Variants in DIS3L2 observed in about 807,000 individuals in gnomAD.
The protein encoded by DIS3L2 is DIS3 like 3'-5' exoribonuclease 2.
DIS3L2 carries 34 observed loss-of-function variants against 97.5 expected under a neutral mutation model. That is an observed-to-expected ratio of 0.35 (90% CI 0.27 to 0.46). The LOEUF (loss-of-function observed/expected upper bound fraction) is 0.46. DIS3L2 is among the 20% of genes least tolerant of loss of function. The pLI is 1.00. For synonymous variants in DIS3L2, 435 were observed against 445.2 expected, an observed-to-expected ratio of 0.98 and a Z score of 0.29; for missense variants, 1,038 against 1,146.0, an observed-to-expected ratio of 0.91 and a Z score of 1.36.
chr2:232,204,648 G>A (rs1011371879), intron 9 of DIS3L2, among the ~76,000 whole-genome samples: 5 of 152,112 alleles, frequency 3.3e-5, no homozygotes, highest in African/African-American at 9.7e-5. Context: ...GGTCTCACAG[G>A]TTCTAAAAGC....
chr2:232,316,474 C>T lies in DIS3L2; in HGVS notation c.1740-13339C>T, dbSNP rs1342259153. On this transcript the variant is annotated intron_variant, in intron 14 of 20. Transcript: ENST00000325385. ...CAGTTGTCACTTCTCCGTGGCTGTC[C>T]GGAGAACCTGTAGCACCCTCTCCAG... is the stretch of plus-strand genomic sequence containing the variant. 7.2e-5 allele frequency among the ~76,000 whole-genome samples: 11 copies of T among 152,198 alleles called. No homozygotes were observed. The South Asian group carries it at 1.5e-3, about 20-fold the overall frequency.
chr2:232,010,523 C>T (rs1282417826), intron 1 of DIS3L2, among the ~76,000 whole-genome samples: 2 of 151,242 alleles, frequency 1.3e-5, no homozygotes, highest in African/African-American at 4.9e-5. Context: ...ATTTTGCCCT[C>T]TTTTTTTTTC....
intron 14 of DIS3L2, among the ~76,000 whole-genome samples, chr2:232,308,857 G>T (rs1219372066): frequency 6.6e-6 from 1 of 152,194 alleles, no homozygotes; most frequent in Non-Finnish European, 1.5e-5. Context: ...TAGACCTAGA[G>T]AACCAACCCT....
chr2:232,125,319 T>G (rs1393053359), intron 6 of DIS3L2, among the ~76,000 whole-genome samples: 2 of 152,250 alleles, frequency 1.3e-5, no homozygotes, highest in African/African-American at 4.8e-5. Flanking sequence ...CAGAGCTTGA[T>G]ACTCCATCAA....
At chr2:232,316,370 T>C (rs1049643708) in intron 14 of DIS3L2, among the ~76,000 whole-genome samples, 3 of 152,132 alleles carry the variant, frequency 2.0e-5, no homozygotes, top group South Asian at 4.1e-4. Context: ...CCACACTAGA[T>C]GTCCACACAA....
chr2:232,047,255 A>G (rs1019039296), intron 5 of DIS3L2, among the ~76,000 whole-genome samples: 8 of 152,222 alleles, frequency 5.3e-5, no homozygotes, highest in African/African-American at 9.7e-5. Context: ...CATTTGGCCT[A>G]TGCTACTGCA....
In DIS3L2 at chr2:231,988,711, C is replaced by G. The variant is rs116819831; in HGVS notation, c.-93-26124C>G. Among the ~76,000 whole-genome samples, 488 of 152,206 alleles carry G rather than the reference C, an allele frequency of 3.2e-3. 5 individuals are homozygous for G. Among genetic ancestry groups the G allele is most frequent in the African/African-American group, 0.011 (438 of 41,520 alleles). On this transcript the variant is annotated intron_variant, in intron 1 of 20. Transcript: ENST00000325385. Reference sequence around the variant, plus strand: ...GCTGAAAGTCTGTTGGTAGTAACTTCCAGATGTTTGCAGCCGCAGTCCTGA... The same window carrying G: ...GCTGAAAGTCTGTTGGTAGTAACTTGCAGATGTTTGCAGCCGCAGTCCTGA...
At position 232,333,944 on chromosome 2, in the gene DIS3L2, C is replaced by T. The variant is rs1695852636; in HGVS notation, c.2115C>T (p.Arg705=). ...CACACTTCACCTCGCCCATCCGCCG[C>T]TTTGCCGACGTCCTGGTGCACCGCC... ...LYTHFTSPIR[R]FADVLVHRLL... is the part of the protein sequence containing the mutation. Residue 705 remains arginine, a synonymous_variant, in exon 17 of 21, where the codon CGC becomes CGT. Coordinates refer to ENST00000325385, the MANE Select transcript of DIS3L2 (RefSeq NM_152383.5). 6 of 1,612,782 alleles carry T rather than the reference C, an allele frequency of 3.7e-6. 1 individual carries two copies. The Admixed American group carries it at 1.0e-4, about 27-fold the overall frequency.
chr2:232,262,887 G>A (rs919126922), intron 12 of DIS3L2, among the ~76,000 whole-genome samples: 1 of 152,064 alleles, frequency 6.6e-6, no homozygotes, highest in African/African-American at 2.4e-5. Flanking sequence ...TCTCAGTGTC[G>A]ACATTGATGC....
chr2:231,962,309 T>TA (rs1484302806), intron 1 of DIS3L2, among the ~76,000 whole-genome samples: 4 of 152,020 alleles, frequency 2.6e-5, no homozygotes, highest in Middle Eastern at 3.4e-3. Context: ...ATATGGGGGA[T>TA]ACGCATGCAG....
intron 9 of DIS3L2, among the ~76,000 whole-genome samples, chr2:232,199,486 G>A (rs1691837508): frequency 6.6e-6 from 1 of 152,158 alleles, no homozygotes; most frequent in Non-Finnish European, 1.5e-5. Flanking sequence ...GTTTATCTGT[G>A]TGCTTGGTTT....
chr2:232,172,714 A>G (rs1175980157), intron 9 of DIS3L2: 1 of 534,480 alleles, frequency 1.9e-6, no homozygotes, highest in Non-Finnish European at 3.8e-6. Context: ...CTGTTTTTCA[A>G]AGTAGCTGTA....
chr2:232,003,447 G>A (rs1693962878), intron 1 of DIS3L2, among the ~76,000 whole-genome samples: 1 of 152,096 alleles, frequency 6.6e-6, no homozygotes, highest in Admixed American at 6.5e-5. Context: ...TTGTTAGTTT[G>A]ACTGCATATA....
intron 11 of DIS3L2, among the ~76,000 whole-genome samples, chr2:232,244,356 G>A (rs1162250028): frequency 3.9e-5 from 6 of 152,124 alleles, no homozygotes; most frequent in Non-Finnish European, 5.9e-5. Flanking sequence ...TTTTGAGGGA[G>A]GGGTGGTCGT....
intron 13 of DIS3L2, among the ~76,000 whole-genome samples, chr2:232,286,593 C>T (rs1470272987): frequency 1.3e-5 from 2 of 152,184 alleles, no homozygotes; most frequent in African/African-American, 4.8e-5. Flanking sequence ...TAACCTCTGG[C>T]CTTACTGTAT....
intron 3 of DIS3L2, among the ~76,000 whole-genome samples, chr2:232,017,002 G>A (rs1393135687): frequency 1.4e-5 from 2 of 145,648 alleles, no homozygotes; most frequent in Non-Finnish European, 3.0e-5. Context: ...AAGTGCACAC[G>A]TGCACAAGAA....
At chr2:232,148,748 C>CTTTTTTT (rs34837114) in intron 8 of DIS3L2, among the ~76,000 whole-genome samples, 47 of 98,868 alleles carry the variant, frequency 4.8e-4, no homozygotes, top group African/African-American at 7.4e-4. Flanking sequence ...AATTTTCTTT[C>CTTTTTTT]TTTTTTTTTT....
At chr2:232,104,648 A>C (rs1238678178) in intron 6 of DIS3L2, among the ~76,000 whole-genome samples, 9 of 152,168 alleles carry the variant, frequency 5.9e-5, no homozygotes, top group African/African-American at 1.9e-4. Flanking sequence ...TAGAGATTTC[A>C]TATAAGTGGA....
At chr2:232,118,990 T>TCCTA (rs1187193086) in intron 6 of DIS3L2, among the ~76,000 whole-genome samples, 2 of 152,228 alleles carry the variant, frequency 1.3e-5, no homozygotes, top group Admixed American at 6.5e-5. Flanking sequence ...TTGGTAGTCC[T>TCCTA]CCTGTTTTCA....
Sources: gnomAD v4.1 joint callset for allele counts (sites outside exome capture counted in the v4.1 genomes callset) on GRCh38, gnomAD v4.1.1 for gene constraint, MANE v1.5 for transcripts, NCBI Gene and HGNC (gene_info 2026-07-23, HGNC 2026-07-21) for gene names.